Variants in CDH20 observed in about 807,000 individuals in gnomAD.
CDH20 encodes cadherin 20.
CDH20 carries 29 observed loss-of-function variants against 74.2 expected under a neutral mutation model. The observed-to-expected ratio is 0.39, with a 90% CI of 0.29 to 0.53. The LOEUF (loss-of-function observed/expected upper bound fraction) is 0.53. CDH20 is among the 20% of genes least tolerant of loss of function. The pLI is 0.69. For synonymous variants in CDH20, 469 were observed against 405.4 expected, an observed-to-expected ratio of 1.16 and a Z score of -1.88; for missense variants, 988 against 1,048.3, an observed-to-expected ratio of 0.94 and a Z score of 0.79.
chr18:61,533,824 C>A (rs1912730713), intron 7 of CDH20, among the ~76,000 whole-genome samples: 1 of 152,122 alleles, frequency 6.6e-6, no homozygotes, highest in South Asian at 2.1e-4. Context: ...GGGTCCATTT[C>A]CATTCTTCTG....
intron 1 of CDH20, among the ~76,000 whole-genome samples, chr18:61,417,274 A>G (rs1912716412): frequency 6.6e-6 from 1 of 152,160 alleles, no homozygotes; most frequent in African/African-American, 2.4e-5. Context: ...ATTCTAAATT[A>G]GAATTTTGGA....
At position 61,555,265 on chromosome 18, in the gene CDH20, C is replaced by A. The variant is rs1286770472; in HGVS notation, c.*570C>A. On this transcript the variant is annotated 3_prime_UTR_variant, in exon 12 of 12. Transcript: ENST00000262717. ...TGAGACAAGGTTAAGACTGAATCAG[C>A]CTTGCATGGGGGTGGATGGGTGGGA... 1.3e-6 allele frequency: 1 copy of A among 785,582 alleles called. No homozygotes were observed. The highest frequency in any genetic ancestry group is 6.1e-5 in the South Asian group (1 of 16,406). The allele number at this position is 785,582 out of a possible 1,614,324, so 48.7% of individuals were successfully genotyped here. A position where few individuals can be genotyped will look rare whatever the true frequency, so the allele number is the denominator to read the frequency against.
At chr18:61,365,597 CT>C (rs376733191) in intron 1 of CDH20, among the ~76,000 whole-genome samples, 4 of 151,778 alleles carry the variant, frequency 2.6e-5, no homozygotes, top group African/African-American at 4.8e-5. Context: ...CCCCCTTCCG[CT>C]TTTTTTTAAC....
intron 1 of CDH20, among the ~76,000 whole-genome samples, chr18:61,474,940 G>A (rs576259640): frequency 2.6e-5 from 4 of 152,316 alleles, no homozygotes; most frequent in African/African-American, 7.2e-5. Context: ...GTTTATCAGA[G>A]GGACCCCAAA....
At chr18:61,550,868 G>A (rs1410838275) in intron 11 of CDH20, among the ~76,000 whole-genome samples, 2 of 152,214 alleles carry the variant, frequency 1.3e-5, no homozygotes. Flanking sequence ...ATCCCTTACT[G>A]ATAAGACCTT....
intron 1 of CDH20, chr18:61,334,275 T>C (rs945364161): frequency 6.6e-6 from 1 of 152,000 alleles, no homozygotes; most frequent in African/African-American, 2.4e-5. Flanking sequence ...CGCACAGAGA[T>C]GTGCGCCGGG....
In CDH20 at chr18:61,398,383, A is replaced by G. The variant is rs1023936273; in HGVS notation, c.-153+64556A>G. The stretch of plus-strand genomic sequence containing the variant: ...TTTAATTATGGTCTTCTTAATTTAT[A>G]TACATATATCTATATGTACATATTT... On this transcript the variant is annotated intron_variant, in intron 1 of 11. Coordinates refer to ENST00000262717, the MANE Select transcript of CDH20 (RefSeq NM_031891.4). Among the ~76,000 whole-genome samples the G allele has an allele frequency of 2.0e-5, 3 of 152,340 alleles. No homozygotes were observed. In the South Asian group the frequency reaches 6.2e-4, roughly 32 times the overall value.
intron 2 of CDH20, among the ~76,000 whole-genome samples, chr18:61,496,352 ACCGGTG>A (rs1417751625): frequency 1.4e-5 from 2 of 141,952 alleles, no homozygotes; most frequent in Non-Finnish European, 3.0e-5. Context: ...GCACATGCAG[ACCGGTG>A]CTCCGAACCT....
At chr18:61,469,939 A>G (rs1910105765) in intron 1 of CDH20, among the ~76,000 whole-genome samples, 1 of 152,244 alleles carries the variant, frequency 6.6e-6, no homozygotes, top group Non-Finnish European at 1.5e-5. Flanking sequence ...AAAGTGTAAC[A>G]TGATTTTTAA....
chr18:61,482,155 A>G (rs1910611059), intron 1 of CDH20, among the ~76,000 whole-genome samples: 1 of 152,134 alleles, frequency 6.6e-6, no homozygotes, highest in African/African-American at 2.4e-5. Flanking sequence ...GGTGTGCTCT[A>G]AGAAAAAGCA....
At chr18:61,494,506 A>C (rs762717712) in intron 2 of CDH20, among the ~76,000 whole-genome samples, 8 of 152,184 alleles carry the variant, frequency 5.3e-5, no homozygotes, top group Non-Finnish European at 1.2e-4. Flanking sequence ...CCTCTACATG[A>C]AGAAGATAAT....
At chr18:61,509,590 T>C (rs1333027513) in intron 6 of CDH20, among the ~76,000 whole-genome samples, 2 of 152,164 alleles carry the variant, frequency 1.3e-5, no homozygotes, top group Non-Finnish European at 2.9e-5. Context: ...TAGGACCATA[T>C]AAGCTAACTA....
At chr18:61,381,729 G>A (rs1168183886) in intron 1 of CDH20, among the ~76,000 whole-genome samples, 1 of 152,194 alleles carries the variant, frequency 6.6e-6, no homozygotes, top group Non-Finnish European at 1.5e-5. Flanking sequence ...TTAGGAACCT[G>A]TAGAATCTCT....
At chr18:61,395,189 A>AGAAT (rs773335037) in intron 1 of CDH20, among the ~76,000 whole-genome samples, 7 of 152,146 alleles carry the variant, frequency 4.6e-5, no homozygotes, top group Admixed American at 2.0e-4. Context: ...AAAGTGGTAA[A>AGAAT]GAATGCAGGC....
At chr18:61,501,354 T>A (rs1051142177) in intron 4 of CDH20, among the ~76,000 whole-genome samples, 1 of 144,372 alleles carries the variant, frequency 6.9e-6, no homozygotes, top group Non-Finnish European at 1.6e-5. Flanking sequence ...CATTATTATC[T>A]TATACTTGTG....
rs966541633 is a variant in CDH20, at chr18:61,391,889, T to C, written c.-153+58062T>C. ...ATTCTAAAACTATTCTACCTCAATA[T>C]TTCTTGACCCAATCCCCTTCCTCCA... is the stretch of plus-strand genomic sequence containing the variant. On this transcript the variant is annotated intron_variant, in intron 1 of 11. Transcript: ENST00000262717. 5.3e-5 allele frequency among the ~76,000 whole-genome samples: 8 copies of C among 152,134 alleles called. 1 individual carries two copies. The highest frequency in any genetic ancestry group is 1.9e-4 in the African/African-American group (8 of 41,426).
chr18:61,344,010 G>A (rs752673370), intron 1 of CDH20, among the ~76,000 whole-genome samples: 2 of 152,152 alleles, frequency 1.3e-5, no homozygotes, highest in Non-Finnish European at 2.9e-5. Context: ...ATCAGGGAAG[G>A]TATCAGAGGT....
intron 11 of CDH20, among the ~76,000 whole-genome samples, chr18:61,550,824 G>A (rs1274833670): frequency 6.6e-6 from 1 of 152,196 alleles, no homozygotes; most frequent in African/African-American, 2.4e-5. Flanking sequence ...AAAGTGACAG[G>A]GATAGACGCC....
At chr18:61,489,148 T>G (rs916757205) in intron 1 of CDH20, among the ~76,000 whole-genome samples, 1 of 152,250 alleles carries the variant, frequency 6.6e-6, no homozygotes, top group African/African-American at 2.4e-5. Flanking sequence ...AAATGATTTA[T>G]TATACAGAAA....
Sources: gnomAD v4.1 joint callset for allele counts (sites outside exome capture counted in the v4.1 genomes callset) on GRCh38, gnomAD v4.1.1 for gene constraint, MANE v1.5 for transcripts, NCBI Gene and HGNC (gene_info 2026-07-23, HGNC 2026-07-21) for gene names.